Variants in SLC10A7 observed in about 807,000 individuals in gnomAD.
SLC10A7 encodes solute carrier family 10 member 7.
Under a neutral mutation model 43.2 loss-of-function variants are expected in SLC10A7, and 29 were observed. The ratio of observed to expected loss-of-function variants is 0.67; its 90% CI spans 0.50 to 0.92. The LOEUF is 0.92. Among genes scored for constraint, SLC10A7 ranks in the 40% least tolerant of loss-of-function variants. The pLI is 0.00. For synonymous variants in SLC10A7, 152 were observed against 144.8 expected, an observed-to-expected ratio of 1.05 and a Z score of -0.35; for missense variants, 295 against 403.2, an observed-to-expected ratio of 0.73 and a Z score of 2.30.
chr4:146,481,391 T>C (rs569431238), intron 4 of SLC10A7, among the ~76,000 whole-genome samples: 1 of 150,474 alleles, frequency 6.6e-6, no homozygotes, highest in South Asian at 2.1e-4. Flanking sequence ...CATCTTACCA[T>C]GCCTGGGTCC....
intron 4 of SLC10A7, among the ~76,000 whole-genome samples, chr4:146,476,684 A>C (rs528802213): frequency 3.9e-5 from 6 of 152,242 alleles, no homozygotes; most frequent in East Asian, 1.9e-4. Context: ...CTATTAAAAA[A>C]CTTCAAGGAA....
chr4:146,419,151 A>T (rs1410035771), intron 5 of SLC10A7, among the ~76,000 whole-genome samples: 5 of 152,184 alleles, frequency 3.3e-5, no homozygotes, highest in African/African-American at 1.2e-4. Flanking sequence ...TGGAGGCTTC[A>T]TTATGTAGGT....
intron 4 of SLC10A7, among the ~76,000 whole-genome samples, chr4:146,449,538 G>A (rs558693455): frequency 2.6e-5 from 4 of 152,064 alleles, no homozygotes; most frequent in South Asian, 4.2e-4. Flanking sequence ...CTATGACAGA[G>A]GGCATTGAGG....
At chr4:146,414,671 C>T (rs977234070) in intron 5 of SLC10A7, among the ~76,000 whole-genome samples, 2 of 151,148 alleles carry the variant, frequency 1.3e-5, no homozygotes. Flanking sequence ...TGCAGTGGGC[C>T]GAGGTTATAC....
Position 146,292,923 on chromosome 4 carries a change from A to G in SLC10A7, c.773+6T>C. 6.3e-7 allele frequency: 1 copy of G among 1,580,234 alleles called. No individual in the cohort carries two copies. Among genetic ancestry groups the G allele is most frequent in the South Asian group, 1.1e-5 (1 of 88,486 alleles). ...AACTAATAACAAGAGATACCAAATC[A>G]CTTACCTTGTTGAAAAGATGAAAGT... On this transcript the variant is annotated splice_donor_region_variant and intron_variant, in intron 9 of 11. Coordinates refer to ENST00000335472, the MANE Select transcript of SLC10A7 (RefSeq NM_001029998.6).
intron 5 of SLC10A7, among the ~76,000 whole-genome samples, chr4:146,342,976 T>C (rs973538708): frequency 9.2e-5 from 14 of 151,904 alleles, no homozygotes; most frequent in African/African-American, 3.1e-4. Flanking sequence ...TTGAGGAAGA[T>C]ACAACCCCGT....
intron 6 of SLC10A7, among the ~76,000 whole-genome samples, chr4:146,323,743 T>C (rs1250990529): frequency 6.6e-6 from 1 of 152,148 alleles, no homozygotes; most frequent in Non-Finnish European, 1.5e-5. Flanking sequence ...ACTGGAAGCA[T>C]TCCCTTTGAA....
At chr4:146,432,989 G>A (rs1247175805) in intron 5 of SLC10A7, among the ~76,000 whole-genome samples, 2 of 150,898 alleles carry the variant, frequency 1.3e-5, no homozygotes. Flanking sequence ...AGTGAGCCGA[G>A]ATCACGCCAC....
chr4:146,519,108 TATATA>T (rs1250009251), intron 1 of SLC10A7, among the ~76,000 whole-genome samples: 20 of 16,232 alleles, frequency 1.2e-3, no homozygotes, highest in Non-Finnish European at 1.7e-3. Context: ...TATATATATA[TATATA>T]ATATAATATA....
At chr4:146,424,036 A>T (rs1729139725) in intron 5 of SLC10A7, among the ~76,000 whole-genome samples, 2 of 152,122 alleles carry the variant, frequency 1.3e-5, no homozygotes, top group Admixed American at 6.5e-5. Context: ...GTCCCATGAG[A>T]ACAGTTGGGT....
intron 7 of SLC10A7, among the ~76,000 whole-genome samples, chr4:146,303,923 T>G (rs1003415196): frequency 3.3e-5 from 5 of 151,876 alleles, no homozygotes; most frequent in African/African-American, 1.2e-4. Context: ...TTAAATAACT[T>G]GCCCATAGTA....
chr4:146,378,863 A>T (rs532918383), intron 5 of SLC10A7, among the ~76,000 whole-genome samples: 1 of 152,114 alleles, frequency 6.6e-6, no homozygotes, highest in Non-Finnish European at 1.5e-5. Context: ...TCAAAGCCCA[A>T]TGGGAAGGCT....
chr4:146,474,516 G>A (rs1245911390), intron 4 of SLC10A7, among the ~76,000 whole-genome samples: 3 of 151,634 alleles, frequency 2.0e-5, no homozygotes, highest in African/African-American at 7.3e-5. Flanking sequence ...TCCACTCTAG[G>A]GTAAACAAAA....
chr4:146,290,091 A>G lies in SLC10A7; in HGVS notation c.773+2838T>C, dbSNP rs372738851. 3.3e-3 allele frequency among the ~76,000 whole-genome samples: 491 copies of G among 150,242 alleles called. 5 individuals are homozygous for G. Among genetic ancestry groups the G allele is most frequent in the African/African-American group, 0.01 (428 of 41,220 alleles). On this transcript the variant is annotated intron_variant, in intron 9 of 11. Transcript: ENST00000335472. ...TGTAATCCCAGCACTTTGGGAGGCC[A>G]AGGTGGGCGGATCACAAGGTCAGGA...
chr4:146,367,120 A>G (rs556207085), intron 5 of SLC10A7, among the ~76,000 whole-genome samples: 2 of 152,278 alleles, frequency 1.3e-5, no homozygotes, highest in South Asian at 4.1e-4. Flanking sequence ...GTTAGATATC[A>G]TAACAGTAAG....
chr4:146,449,427 C>T (rs1271171584), intron 4 of SLC10A7, among the ~76,000 whole-genome samples: 1 of 152,102 alleles, frequency 6.6e-6, no homozygotes, highest in Non-Finnish European at 1.5e-5. Context: ...ACTCCACCAA[C>T]AAGAGGCTGA....
Position 146,353,135 on chromosome 4 carries a change from G to A in SLC10A7, c.436-27139C>T, listed in dbSNP as rs1368917387. Among the ~76,000 whole-genome samples, 134 of 140,354 alleles carry A rather than the reference G, an allele frequency of 9.5e-4. 1 individual carries two copies. The highest frequency in any genetic ancestry group is 3.3e-3 in the African/African-American group (122 of 37,320). The allele number at this position is 140,354 out of a possible 152,430, so 92.1% of individuals were successfully genotyped here. On this transcript the variant is annotated intron_variant, in intron 5 of 11. Coordinates refer to ENST00000335472, the MANE Select transcript of SLC10A7 (RefSeq NM_001029998.6). ...AAAGGATCAACAAAATTGATAGACC[G>A]CTAGCAAGACTAATAAAGAAAAAAA...
chr4:146,444,847 G>A (rs1267493251), intron 4 of SLC10A7, among the ~76,000 whole-genome samples: 1 of 152,154 alleles, frequency 6.6e-6, no homozygotes, highest in Admixed American at 6.5e-5. Context: ...CGTGAAATCA[G>A]ACACTGAAAC....
chr4:146,493,125 C>T (rs1199852928), intron 4 of SLC10A7, among the ~76,000 whole-genome samples: 1 of 152,070 alleles, frequency 6.6e-6, no homozygotes, highest in African/African-American at 2.4e-5. Flanking sequence ...AGCTACAGAA[C>T]TTGAAAAAGG....
Sources: allele counts gnomAD v4.1 joint callset (sites outside exome capture counted in the v4.1 genomes callset), GRCh38; gene constraint gnomAD v4.1.1; transcripts MANE v1.5; gene names NCBI Gene and HGNC (gene_info 2026-07-23, HGNC 2026-07-21).